The following LRRK1 variants were observed in gnomAD, a reference collection of about 807,000 sequenced individuals.
The protein encoded by LRRK1 is leucine rich repeat kinase 1.
A neutral mutation model predicts 209.1 loss-of-function variants in LRRK1; 113 were observed. The observed-to-expected ratio is 0.54, with a 90% CI of 0.46 to 0.63. The LOEUF is 0.63. Ranked by LOEUF, LRRK1 falls within the 30% of genes least tolerant of loss-of-function variation. The pLI is 0.00. For missense variants in LRRK1, 2,284 were observed against 2,632.2 expected, an observed-to-expected ratio of 0.87 and a Z score of 2.89; for synonymous variants, 1,144 against 1,099.7, an observed-to-expected ratio of 1.04 and a Z score of -0.80.
intron 2 of LRRK1, among the ~76,000 whole-genome samples, chr15:100,956,455 C>CTTTTTCTTTTCATTTTTTTTT: frequency 1.7e-5 from 1 of 60,534 alleles, no homozygotes; most frequent in Non-Finnish European, 2.9e-5. Context: ...TTTTTTTTTT[C>CTTTTTCTTTTCATTTTTTTTT]TTTTTTTTTT....
chr15:101,012,738 T>C (rs2033326135), intron 10 of LRRK1, among the ~76,000 whole-genome samples: 1 of 152,066 alleles, frequency 6.6e-6, no homozygotes, highest in South Asian at 2.1e-4. Flanking sequence ...CAGCCTCTTG[T>C]GTGCGGCGAC....
chr15:100,995,717 C>T (rs1386921688), intron 6 of LRRK1, among the ~76,000 whole-genome samples: 1 of 152,186 alleles, frequency 6.6e-6, no homozygotes, highest in Non-Finnish European at 1.5e-5. Context: ...AGAATAACCA[C>T]GATGTTCGCT....
chr15:101,068,910 C>T lies in LRRK1; in HGVS notation c.*62C>T. 2 of 1,466,290 alleles carry T rather than the reference C, an allele frequency of 1.4e-6. No homozygotes were observed. The highest frequency in any genetic ancestry group is 9.2e-7 in the Non-Finnish European group (1 of 1,089,738). 90.8% of individuals were successfully genotyped at this position (1,466,290 alleles called of 1,614,324 possible). ...GGCCCGGGGCTGCAGCCTGACCCCTCTGCCATCGGCCTCTAGTTCTCCAAG... is the reference window on the plus strand; with the variant it reads ...GGCCCGGGGCTGCAGCCTGACCCCTTTGCCATCGGCCTCTAGTTCTCCAAG... On this transcript the variant is annotated 3_prime_UTR_variant, in exon 34 of 34. Coordinates refer to ENST00000388948, the MANE Select transcript of LRRK1 (RefSeq NM_024652.6).
intron 6 of LRRK1, among the ~76,000 whole-genome samples, chr15:100,995,372 T>C (rs1026552375): frequency 9.9e-5 from 15 of 152,178 alleles, no homozygotes; most frequent in Non-Finnish European, 1.8e-4. Flanking sequence ...TTGTTTTCCA[T>C]TGGCAGTGGC....
In LRRK1 at chr15:101,055,139, A is replaced by T. The variant is rs1478398117; in HGVS notation, c.4248A>T (p.Ser1416=). ...KLSDYGISRQ[S]FHEGALGVEG... The stretch of plus-strand genomic sequence containing the variant: ...CTGACTACGGGATTTCGAGGCAGTC[A>T]TTCCATGAGGGCGCCCTAGGCGTGG... Residue 1416 remains serine, a synonymous_variant, in exon 27 of 34, where the codon TCA becomes TCT. Transcript: ENST00000388948. 1 of 1,613,692 alleles carries T rather than the reference A, an allele frequency of 6.2e-7. No individual in the cohort carries two copies. Among genetic ancestry groups the T allele is most frequent in the Admixed American group, 1.7e-5 (1 of 59,946 alleles).
intron 6 of LRRK1, among the ~76,000 whole-genome samples, chr15:100,997,934 C>T (rs754933261): frequency 6.6e-6 from 1 of 152,132 alleles, no homozygotes; most frequent in African/African-American, 2.4e-5. Context: ...AATCCCAGCA[C>T]ATTGGGAGGC....
chr15:100,962,810 T>TATATATATACACATATATATATATAC lies in LRRK1; in HGVS notation c.98-10985_98-10984insCACATATATATATATACATATATATA, dbSNP rs1596204564. On this transcript the variant is annotated intron_variant, in intron 2 of 33. Coordinates refer to ENST00000388948, the MANE Select transcript of LRRK1 (RefSeq NM_024652.6). ...TTCATTTTGCATATATATATATATA[T>TATATATATACACATATATATATATAC]ATATATATATATATTTTTTTTTTTT... Among the ~76,000 whole-genome samples the TATATATATACACATATATATATATAC allele has an allele frequency of 2.6e-4, 8 of 30,216 alleles. 2 individuals carry two copies. The highest frequency in any genetic ancestry group is 7.1e-4 in the East Asian group (1 of 1,410). 19.8% of individuals were successfully genotyped at this position (30,216 alleles called of 152,430 possible).
chr15:100,989,596 C>T (rs142162599), intron 6 of LRRK1, 198 bp downstream of exon 6: 25 of 608,472 alleles, frequency 4.1e-5, no homozygotes, highest in South Asian at 2.5e-4. Flanking sequence ...AAGAGACCAA[C>T]AGACTGAGAG....
At position 101,024,028 on chromosome 15, in the gene LRRK1, C is replaced by T. The variant is rs1043464010; in HGVS notation, c.2068-775C>T. Among the ~76,000 whole-genome samples, 5 of 152,140 alleles carry T rather than the reference C, an allele frequency of 3.3e-5. No homozygotes were observed. In the South Asian group the frequency reaches 8.3e-4, roughly 25 times the overall value. ...GGGTGAATTCGTGCTTCTATTTTTC[C>T]TGACCTTCACCCCCACTTCCTTTCT... On this transcript the variant is annotated intron_variant, in intron 15 of 33. Transcript: ENST00000388948. The surrounding 1 kb of genome is among the most constrained non-coding windows in gnomAD (Gnocchi z 4.6).
At chr15:101,048,742 T>TG in intron 22 of LRRK1, 85 bp downstream of exon 22, 2 of 1,193,334 alleles carry the variant, frequency 1.7e-6, no homozygotes, top group East Asian at 2.8e-5. Context: ...TGCCTCATCC[T>TG]CTTGGTGTCC....
chr15:101,031,945 A>G (rs1596300463), intron 20 of LRRK1, among the ~76,000 whole-genome samples: 1 of 152,320 alleles, frequency 6.6e-6, no homozygotes, highest in East Asian at 1.9e-4. Flanking sequence ...CATGTTATCC[A>G]GGATGGTCTC....
chr15:100,963,131 GT>G (rs1345800297), intron 2 of LRRK1, among the ~76,000 whole-genome samples: 2 of 151,722 alleles, frequency 1.3e-5, no homozygotes, highest in African/African-American at 4.8e-5. Flanking sequence ...CCCATTTTGC[GT>G]ACTTTTAAAT....
intron 20 of LRRK1, among the ~76,000 whole-genome samples, chr15:101,038,730 A>T: frequency 6.6e-6 from 1 of 151,776 alleles, no homozygotes; most frequent in East Asian, 1.9e-4. Context: ...GTGATTATCT[A>T]CTCACTATTT....
chr15:100,951,964 A>AATAAT (rs1555460104), intron 2 of LRRK1, among the ~76,000 whole-genome samples: 4 of 146,538 alleles, frequency 2.7e-5, no homozygotes, highest in Non-Finnish European at 6.0e-5. Flanking sequence ...AGAAAAAAAA[A>AATAAT]AATAATAATA....
chr15:101,037,526 T>C (rs2034540527), intron 20 of LRRK1, among the ~76,000 whole-genome samples: 2 of 152,274 alleles, frequency 1.3e-5, no homozygotes, highest in South Asian at 4.1e-4. Flanking sequence ...AGGAGTGAAG[T>C]GATCCCCAGG....
chr15:100,970,773 GAAT>G (rs2030814567), intron 2 of LRRK1, among the ~76,000 whole-genome samples: 1 of 152,184 alleles, frequency 6.6e-6, no homozygotes, highest in Non-Finnish European at 1.5e-5. Context: ...AAATCAAAGA[GAAT>G]TAACATCTTA....
rs374008052 is a variant in LRRK1, at chr15:101,027,710, G to A, written c.2599G>A (p.Val867Met). The stretch of plus-strand genomic sequence containing the variant: ...GCAGCGCCGCAGCCGGGACGACGAC[G>A]TGCAGTACCTGACGGACAGGCAGCT... ...EQQRRSRDDDVQYLTDRQLEQ... is the reference protein window; with the variant it reads ...EQQRRSRDDDMQYLTDRQLEQ... Residue 867 changes from valine (V) to methionine (M), a missense_variant, in exon 19 of 34, where the codon GTG becomes ATG. Transcript: ENST00000388948. The surrounding 1 kb of genome is among the most constrained non-coding windows in gnomAD (Gnocchi z 5.1). The A allele has an allele frequency of 2.9e-5, 46 of 1,612,664 alleles. No individual in the cohort carries two copies. Among genetic ancestry groups the A allele is most frequent in the African/African-American group, 2.5e-4 (19 of 75,042 alleles).
Position 101,066,187 on chromosome 15 carries a change from A to C in LRRK1, c.5750A>C (p.Asp1917Ala). ...GCCGTGAAGATCCTCGCCGTCAGAGACCTCATTTGGGTCCCCAGGTACGTT... is the reference window on the plus strand; with the variant it reads ...GCCGTGAAGATCCTCGCCGTCAGAGCCCTCATTTGGGTCCCCAGGTACGTT... ...LQAVKILAVR[D>A]LIWVPRRGGD... Residue 1917 changes from aspartate to alanine, a missense_variant, in exon 32 of 34, where the codon GAC becomes GCC. By Grantham distance (126) the Asp-to-Ala change is moderately radical (BLOSUM62 -2). Around this residue, in one of 6 missense-constraint regions of LRRK1, gnomAD observed 643 missense variants for 695.9 expected, o/e 0.92. Coordinates refer to ENST00000388948, the MANE Select transcript of LRRK1 (RefSeq NM_024652.6). 1.9e-6 allele frequency: 3 copies of C among 1,609,320 alleles called. No individual in the cohort carries two copies. The highest frequency in any genetic ancestry group is 2.5e-6 in the Non-Finnish European group (3 of 1,177,090).
chr15:101,029,376 T>C, intron 20 of LRRK1, 144 bp downstream of exon 20: 2 of 839,782 alleles, frequency 2.4e-6, no homozygotes, highest in Non-Finnish European at 3.6e-6. Flanking sequence ...CAGCACCCGA[T>C]GACCTGCCTG....
Sources: allele counts gnomAD v4.1 joint callset (sites outside exome capture counted in the v4.1 genomes callset), GRCh38; gene constraint gnomAD v4.1.1; regional missense constraint gnomAD v4.1.1; non-coding constraint Gnocchi (gnomAD v3.1); transcripts MANE v1.5; gene names NCBI Gene and HGNC (gene_info 2026-07-23, HGNC 2026-07-21).